The following PADI2 variants were observed in gnomAD, a reference collection of about 807,000 sequenced individuals.
The protein encoded by PADI2 is protein-arginine deiminase type-2.
PADI2 carries 70 observed loss-of-function variants against 81.1 expected under a neutral mutation model. That is an observed-to-expected ratio of 0.86 (90% CI 0.71 to 1.05). PADI2 has a LOEUF of 1.05. PADI2 is among the 50% of genes least tolerant of loss of function. The probability of loss-of-function intolerance (pLI) is 0.00; values close to 1 mark genes in which losing one functional copy is unlikely to be tolerated. For missense variants in PADI2, 853 were observed against 889.9 expected, an observed-to-expected ratio of 0.96 and a Z score of 0.53; for synonymous variants, 338 against 358.0, an observed-to-expected ratio of 0.94 and a Z score of 0.63.
intron 8 of PADI2, 26 bp downstream of exon 8, chr1:17,084,573 C>G (rs1360532137): frequency 1.3e-6 from 2 of 1,481,508 alleles, no homozygotes; most frequent in East Asian, 4.9e-5. Context: ...GCCACGCTGC[C>G]TCTCCAGGCT....
At chr1:17,093,492 C>T (rs1158015797) in intron 5 of PADI2, 75 bp downstream of exon 5, 2 of 971,834 alleles carry the variant, frequency 2.1e-6, no homozygotes, top group Non-Finnish European at 1.6e-6. Context: ...GCCTCACCCT[C>T]AGCCCAGCCC....
At chr1:17,095,578 C>G (rs1350059571) in intron 4 of PADI2, among the ~76,000 whole-genome samples, 1 of 152,166 alleles carries the variant, frequency 6.6e-6, no homozygotes, top group Non-Finnish European at 1.5e-5. Flanking sequence ...CCCCCACCTC[C>G]CTAGTCTTAA....
chr1:17,100,940 G>T (rs966255209), intron 3 of PADI2, among the ~76,000 whole-genome samples: 1 of 152,198 alleles, frequency 6.6e-6, no homozygotes, highest in East Asian at 1.9e-4. Context: ...GATTACAGGC[G>T]TGAGACACCG....
At chr1:17,089,928 G>A (rs1930624444) in intron 6 of PADI2, among the ~76,000 whole-genome samples, 1 of 152,142 alleles carries the variant, frequency 6.6e-6, no homozygotes, top group Non-Finnish European at 1.5e-5. Flanking sequence ...GAGACTCCTT[G>A]ATAGTGTGAC....
intron 10 of PADI2, 45 bp downstream of exon 10, chr1:17,082,500 T>A (rs776557834): frequency 8.2e-7 from 1 of 1,223,758 alleles, no homozygotes. Context: ...CTTATGAGAA[T>A]CTCCAGGATC....
intron 10 of PADI2, among the ~76,000 whole-genome samples, chr1:17,081,031 G>A (rs3818021): frequency 0.5 from 75,661 of 152,076 alleles, 19,683 homozygotes; most frequent in Non-Finnish European, 0.59. Context: ...GCACAAAGCC[G>A]GGCCTGGCCT....
chr1:17,086,637 T>A lies in PADI2; in HGVS notation c.718A>T (p.Lys240Ter). 1.2e-6 allele frequency: 2 copies of A among 1,614,100 alleles called. No individual in the cohort carries two copies. Among genetic ancestry groups the A allele is most frequent in the Non-Finnish European group, 1.7e-6 (2 of 1,179,998 alleles). ...AGCTCCGCGGAGCCACCCGTGTACT[T>A]GACCACATGGTAGAGCTTCCGCCGG... ...LGRRKLYHVV[K>*]YTGGSAELLF... is the part of the protein sequence containing the mutation. The change falls in exon 7 of 16, where the codon AAG (lysine) becomes TAG (stop). Residue 240 changes from lysine to a stop codon, truncating the protein, a stop_gained. Transcript: ENST00000375486. LOFTEE classifies it high-confidence loss of function.
chr1:17,105,480 C>T (rs1931339150), intron 1 of PADI2, among the ~76,000 whole-genome samples: 1 of 152,062 alleles, frequency 6.6e-6, no homozygotes, highest in African/African-American at 2.4e-5. Flanking sequence ...ACTGCAACCT[C>T]TGCCTCCCAG....
chr1:17,074,777 C>T, intron 13 of PADI2, 79 bp downstream of exon 13: 1 of 827,250 alleles, frequency 1.2e-6, no homozygotes, highest in South Asian at 1.5e-5. Flanking sequence ...GGACAAAGTG[C>T]TTATCTGCCC....
At position 17,067,666 on chromosome 1, in the gene PADI2, A is replaced by G. The variant is rs1011085269; in HGVS notation, c.*1378T>C. 2 of 152,260 alleles carry G rather than the reference A, an allele frequency of 1.3e-5. No individual in the cohort carries two copies. Among genetic ancestry groups the G allele is most frequent in the African/African-American group, 4.8e-5 (2 of 41,470 alleles). The allele number at this position is 152,260 out of a possible 1,614,324, so 9.4% of individuals were successfully genotyped here. A position where few individuals can be genotyped will look rare whatever the true frequency, so the allele number is the denominator to read the frequency against. On this transcript the variant is annotated 3_prime_UTR_variant, in exon 16 of 16. Transcript: ENST00000375486. The stretch of plus-strand genomic sequence containing the variant: ...CAGTAGGGACCAGGTCCAGACTGCT[A>G]CTAACCACTGTGTTTGCAGAGCCCA...
At chr1:17,085,057 C>T (rs2078375431) in intron 7 of PADI2, among the ~76,000 whole-genome samples, 2 of 152,224 alleles carry the variant, frequency 1.3e-5, no homozygotes, top group Non-Finnish European at 1.5e-5. Flanking sequence ...AACCACTGTC[C>T]TATCTTGTCC....
In PADI2 at chr1:17,098,317, C is replaced by A. The variant is rs778048562; in HGVS notation, c.350-2347G>T. Among the ~76,000 whole-genome samples, 16 of 152,270 alleles carry A rather than the reference C, an allele frequency of 1.1e-4. No homozygotes were observed. The Middle Eastern group carries it at 0.017, about 162-fold the overall frequency. On this transcript the variant is annotated intron_variant, in intron 3 of 15. Coordinates refer to ENST00000375486, the MANE Select transcript of PADI2 (RefSeq NM_007365.3). ...AGCCCTGCGGCCTTCGTCTCTAGGCCGTAAGGTGACATTACATTGGGACTC... is the reference window on the plus strand; with the variant it reads ...AGCCCTGCGGCCTTCGTCTCTAGGCAGTAAGGTGACATTACATTGGGACTC...
intron 14 of PADI2, among the ~76,000 whole-genome samples, chr1:17,070,909 A>T (rs1472702041): frequency 6.6e-6 from 1 of 152,084 alleles, no homozygotes; most frequent in Non-Finnish European, 1.5e-5. Flanking sequence ...TGATCTGCCC[A>T]CCTCAGTCTC....
At chr1:17,098,207 CA>C (rs1426087729) in intron 3 of PADI2, among the ~76,000 whole-genome samples, 1 of 152,154 alleles carries the variant, frequency 6.6e-6, no homozygotes, top group Non-Finnish European at 1.5e-5. Context: ...AAGCTGTTTC[CA>C]AAAGCCCAGC....
At chr1:17,071,342 G>A in intron 14 of PADI2, 64 bp downstream of exon 14, 1 of 1,237,274 alleles carries the variant, frequency 8.1e-7, no homozygotes, top group Non-Finnish European at 1.2e-6. Flanking sequence ...CCCCAAGGAT[G>A]TAAGGGCCTG....
chr1:17,084,322 G>A (rs2078369449), intron 8 of PADI2, among the ~76,000 whole-genome samples: 1 of 152,260 alleles, frequency 6.6e-6, no homozygotes, highest in East Asian at 1.9e-4. Flanking sequence ...ATAGGAGGTT[G>A]CTAACTGCCT....
chr1:17,077,398 C>A (rs898102294), intron 11 of PADI2, among the ~76,000 whole-genome samples: 5 of 152,260 alleles, frequency 3.3e-5, no homozygotes, highest in Admixed American at 1.3e-4. Flanking sequence ...GTGCCTGGCA[C>A]AGAGTAGTTT....
chr1:17,109,954 GAGGCCTC>G (rs1000440626), intron 1 of PADI2, among the ~76,000 whole-genome samples: 6 of 152,248 alleles, frequency 3.9e-5, no homozygotes, highest in African/African-American at 1.4e-4. Flanking sequence ...GAAACCAAAG[GAGGCCTC>G]AGAGGCTCCA....
chr1:17,079,305 T>G lies in PADI2; in HGVS notation c.1269A>C (p.Thr423=). ...VSPPVTVNGK[T]YPLGRILIGS... is the part of the protein sequence containing the mutation. Reference sequence around the variant, plus strand: ...CGATGAGGATGCGGCCAAGCGGGTATGTCTTGCCGTTCACGGTCACTGGGG... The same window carrying G: ...CGATGAGGATGCGGCCAAGCGGGTAGGTCTTGCCGTTCACGGTCACTGGGG... The change falls in exon 11 of 16, where the codon ACA becomes ACC. Residue 423 remains threonine, a synonymous_variant. Transcript: ENST00000375486. 1 of 1,614,142 alleles carries G rather than the reference T, an allele frequency of 6.2e-7. No individual in the cohort carries two copies. Among genetic ancestry groups the G allele is most frequent in the Non-Finnish European group, 8.5e-7 (1 of 1,180,008 alleles).
Sources: gnomAD v4.1 joint callset for allele counts (sites outside exome capture counted in the v4.1 genomes callset) on GRCh38, gnomAD v4.1.1 for gene constraint, MANE v1.5 for transcripts, NCBI Gene and HGNC (gene_info 2026-07-23, HGNC 2026-07-21) for gene names.